Variants in SAMD8 observed in about 807,000 individuals in gnomAD.
SAMD8 encodes sterile alpha motif domain containing 8.
In SAMD8, 20 loss-of-function variants were observed where a neutral mutation model predicts 42.0. The ratio of observed to expected loss-of-function variants is 0.48; its 90% CI spans 0.34 to 0.69. The LOEUF (loss-of-function observed/expected upper bound fraction) is 0.69, where lower values mean the gene tolerates loss of function less well. Among genes scored for constraint, SAMD8 ranks in the 30% least tolerant of loss-of-function variants. The pLI is 0.01. For missense variants in SAMD8, 328 were observed against 511.6 expected (o/e 0.64, Z 3.46); for synonymous variants, 162 against 173.0 (o/e 0.94, Z 0.50).
At chr10:75,152,414 T>C (rs1028283991) in intron 2 of SAMD8, among the ~76,000 whole-genome samples, 1 of 144,206 alleles carries the variant, frequency 6.9e-6, no homozygotes, top group African/African-American at 2.6e-5. Flanking sequence ...CCCAGCTACT[T>C]GGGAGGCTGA....
chr10:75,119,991 C>G (rs1184855472), intron 1 of SAMD8, among the ~76,000 whole-genome samples: 1 of 152,138 alleles, frequency 6.6e-6, no homozygotes, highest in Non-Finnish European at 1.5e-5. Flanking sequence ...TCGGTTTAAC[C>G]TGGGAGGTGG....
At chr10:75,133,598 G>A (rs1849321716) in intron 1 of SAMD8, among the ~76,000 whole-genome samples, 1 of 152,204 alleles carries the variant, frequency 6.6e-6, no homozygotes, top group Non-Finnish European at 1.5e-5. Context: ...GTGTATGTCT[G>A]TGTGCATGCA....
At chr10:75,157,842 G>A (rs1318336558) in intron 2 of SAMD8, among the ~76,000 whole-genome samples, 1 of 152,100 alleles carries the variant, frequency 6.6e-6, no homozygotes, top group African/African-American at 2.4e-5. Flanking sequence ...GTTTTAATGA[G>A]GGACCATGGA....
At chr10:75,113,115 C>T (rs1465101799) in intron 1 of SAMD8, among the ~76,000 whole-genome samples, 1 of 152,090 alleles carries the variant, frequency 6.6e-6, no homozygotes, top group Non-Finnish European at 1.5e-5. Flanking sequence ...AGTTGGCAGC[C>T]AACACAACTG....
Position 75,102,366 on chromosome 10 carries a change from C to G in SAMD8, c.-16+2638C>G, listed in dbSNP as rs555180190. On this transcript the variant is annotated intron_variant, in intron 1 of 3. Transcript: ENST00000447533. ...GCTGAGGCAGGAGAATGGCGTGAAC[C>G]CGGGAGGCAGAGCTTGCAGTGAGCC... Among the ~76,000 whole-genome samples, 13 of 152,192 alleles carry G rather than the reference C, an allele frequency of 8.5e-5. No homozygotes were observed. In the South Asian group the frequency reaches 2.7e-3, roughly 32 times the overall value.
chr10:75,153,405 A>G (rs57160761), intron 2 of SAMD8, among the ~76,000 whole-genome samples: 4 of 151,888 alleles, frequency 2.6e-5, no homozygotes, highest in Non-Finnish European at 5.9e-5. Flanking sequence ...GAGGTCAGGA[A>G]TTCGAGACCA....
intron 2 of SAMD8, among the ~76,000 whole-genome samples, chr10:75,159,916 A>C (rs1379498109): frequency 6.6e-6 from 1 of 152,172 alleles, no homozygotes; most frequent in Non-Finnish European, 1.5e-5. Context: ...TCTGAAGCTT[A>C]TTTTACACAA....
chr10:75,166,088 G>T (rs1442404400), intron 3 of SAMD8, among the ~76,000 whole-genome samples: 1 of 151,862 alleles, frequency 6.6e-6, no homozygotes, highest in Non-Finnish European at 1.5e-5. Context: ...GTGTGTCTTG[G>T]CACTTTCACC....
At position 75,168,538 on chromosome 10, in the gene SAMD8, C is replaced by G; in HGVS notation, c.675-3C>G. 6.2e-7 allele frequency: 1 copy of G among 1,611,654 alleles called. No individual in the cohort carries two copies. Among genetic ancestry groups the G allele is most frequent in the Non-Finnish European group, 8.5e-7 (1 of 1,178,006 alleles). On this transcript the variant is annotated splice_polypyrimidine_tract_variant and splice_region_variant and intron_variant, in intron 3 of 5. Coordinates refer to ENST00000542569, the MANE Select transcript of SAMD8 (RefSeq NM_001174156.2). ...TTCCCCCTTTTTGGTTGATCTGTTA[C>G]AGGTCAATACTTCTGCGAAGGCTCT...
At chr10:75,116,673 A>G (rs1202873711) in intron 1 of SAMD8, among the ~76,000 whole-genome samples, 2 of 152,222 alleles carry the variant, frequency 1.3e-5, no homozygotes, top group Admixed American at 6.5e-5. Flanking sequence ...TAATATTAGC[A>G]TGAAAGCCAG....
At chr10:75,105,557 C>T in intron 1 of SAMD8, 1 of 1,155,202 alleles carries the variant, frequency 8.7e-7, no homozygotes, top group Non-Finnish European at 1.2e-6. Context: ...CACACACAGC[C>T]CTGCCAACCA....
At chr10:75,164,468 TG>T (rs1293803224) in intron 2 of SAMD8, 176 bp from the exon 3 acceptor site, 1 of 973,036 alleles carries the variant, frequency 1.0e-6, no homozygotes, top group African/African-American at 1.8e-5. Context: ...TTCCGATAGG[TG>T]GGGGTACTTT....
chr10:75,113,015 A>G (rs79841647), intron 1 of SAMD8, among the ~76,000 whole-genome samples: 61 of 152,332 alleles, frequency 4.0e-4, no homozygotes, highest in African/African-American at 1.4e-3. Flanking sequence ...CTGATTGGCA[A>G]AACCAATATT....
At chr10:75,107,866 C>A, upstream of SAMD8, 1 of 1,185,598 alleles carries the variant, frequency 8.4e-7, no homozygotes, top group South Asian at 1.5e-5. Flanking sequence ...CATGAGCCAC[C>A]ACACACGGCC....
intron 4 of SAMD8, 167 bp from the exon 5 acceptor site, chr10:75,175,899 A>T: frequency 1.0e-6 from 1 of 985,336 alleles, no homozygotes; most frequent in Non-Finnish European, 1.2e-6. Context: ...AGCTTTGCCC[A>T]CCCATTCTTG....
intron 4 of SAMD8, among the ~76,000 whole-genome samples, chr10:75,173,481 G>A (rs1307236261): frequency 1.3e-5 from 2 of 152,144 alleles, no homozygotes; most frequent in African/African-American, 4.8e-5. Context: ...GGATATATGA[G>A]ACATTTAAGA....
rs760343823 is a variant in SAMD8, at chr10:75,180,886, T to G, written c.*4194T>G. 3 of 152,250 alleles carry G rather than the reference T, an allele frequency of 2.0e-5. No individual in the cohort carries two copies. Among genetic ancestry groups the G allele is most frequent in the Admixed American group, 6.5e-5 (1 of 15,280 alleles). The allele number at this position is 152,250 out of a possible 1,614,324, so 9.4% of individuals were successfully genotyped here. ...ATTTATAACACTAGTCTTCTTTGACTGTATTCAACAAAAGGCAGTTTCACC... is the reference window on the plus strand; with the variant it reads ...ATTTATAACACTAGTCTTCTTTGACGGTATTCAACAAAAGGCAGTTTCACC... On this transcript the variant is annotated 3_prime_UTR_variant, in exon 6 of 6. Transcript: ENST00000542569.
At chr10:75,163,486 G>A (rs1297632813) in intron 2 of SAMD8, among the ~76,000 whole-genome samples, 1 of 151,888 alleles carries the variant, frequency 6.6e-6, no homozygotes, top group East Asian at 1.9e-4. Flanking sequence ...CTAGGTTGGA[G>A]GCAGTGATGA....
intron 1 of SAMD8, among the ~76,000 whole-genome samples, chr10:75,120,774 CTT>C (rs111866437): frequency 3.4e-3 from 273 of 80,132 alleles, no homozygotes; most frequent in African/African-American, 0.011. Flanking sequence ...TAATTTCCAT[CTT>C]TTTTTTTTTT....
Sources: allele counts gnomAD v4.1 joint callset (sites outside exome capture counted in the v4.1 genomes callset), GRCh38; gene constraint gnomAD v4.1.1; transcripts MANE v1.5; gene names NCBI Gene and HGNC (gene_info 2026-07-23, HGNC 2026-07-21).